Variants in HS3ST4 observed in about 807,000 individuals in gnomAD.
HS3ST4 encodes the protein heparan sulfate-glucosamine 3-sulfotransferase 4.
HS3ST4 carries 17 observed loss-of-function variants against 29.2 expected under a neutral mutation model. That is an observed-to-expected ratio of 0.58 (90% CI 0.40 to 0.87). The LOEUF (loss-of-function observed/expected upper bound fraction) is 0.87, where lower values mean the gene tolerates loss of function less well. HS3ST4 is among the 40% of genes least tolerant of loss of function. HS3ST4 has a pLI of 0.00. For synonymous variants in HS3ST4, 314 were observed against 285.7 expected (o/e 1.10, Z -1.00); for missense variants, 627 against 634.5 (o/e 0.99, Z 0.13).
chr16:26,102,263 T>C (rs1898999222), intron 1 of HS3ST4, among the ~76,000 whole-genome samples: 1 of 152,054 alleles, frequency 6.6e-6, no homozygotes, highest in East Asian at 1.9e-4. Context: ...ATGATTTTTT[T>C]TTTTTCTTAT....
chr16:26,099,386 C>A (rs1372616955), intron 1 of HS3ST4, among the ~76,000 whole-genome samples: 5 of 152,110 alleles, frequency 3.3e-5, no homozygotes, highest in African/African-American at 1.2e-4. Flanking sequence ...AAACTCCTAT[C>A]CTTAAGCAAT....
intron 1 of HS3ST4, among the ~76,000 whole-genome samples, chr16:26,014,095 C>T (rs1023956381): frequency 6.6e-6 from 1 of 152,062 alleles, no homozygotes; most frequent in African/African-American, 2.4e-5. Flanking sequence ...CTCTCCCTTT[C>T]TCTTCCGCTA....
chr16:26,090,497 G>C (rs927964928), intron 1 of HS3ST4, among the ~76,000 whole-genome samples: 2 of 151,774 alleles, frequency 1.3e-5, no homozygotes, highest in Admixed American at 1.3e-4. Context: ...GCATGAAAAG[G>C]GTGCACAAAA....
At chr16:25,915,580 C>G (rs922010375) in intron 1 of HS3ST4, among the ~76,000 whole-genome samples, 1 of 152,304 alleles carries the variant, frequency 6.6e-6, no homozygotes, top group South Asian at 2.1e-4. Context: ...TAGTAATTTC[C>G]TGTCCATCAT....
chr16:25,839,592 A>C (rs1967392971), intron 1 of HS3ST4, among the ~76,000 whole-genome samples: 1 of 152,182 alleles, frequency 6.6e-6, no homozygotes, highest in South Asian at 2.1e-4. Flanking sequence ...TCAGTTATTT[A>C]CATGGTCTTT....
chr16:25,826,390 C>A (rs1171306232), intron 1 of HS3ST4: 4 of 152,210 alleles, frequency 2.6e-5, no homozygotes, highest in Middle Eastern at 3.4e-3. Context: ...CATAATTTTT[C>A]TTTTTGGTGG....
intron 1 of HS3ST4, among the ~76,000 whole-genome samples, chr16:26,090,979 G>A (rs549588276): frequency 6.6e-6 from 1 of 152,268 alleles, no homozygotes; most frequent in East Asian, 1.9e-4. Flanking sequence ...CTGGTGTATA[G>A]GGTCAATATT....
At chr16:26,053,949 T>C (rs1377558967) in intron 1 of HS3ST4, among the ~76,000 whole-genome samples, 2 of 152,130 alleles carry the variant, frequency 1.3e-5, no homozygotes, top group African/African-American at 4.8e-5. Context: ...TTCAGGGATC[T>C]ACACCAGGGG....
chr16:25,954,468 G>C (rs999710080), intron 1 of HS3ST4, among the ~76,000 whole-genome samples: 1 of 151,888 alleles, frequency 6.6e-6, no homozygotes, highest in Non-Finnish European at 1.5e-5. Flanking sequence ...AAATCACTCA[G>C]AAAATATTTA....
intron 1 of HS3ST4, among the ~76,000 whole-genome samples, chr16:25,998,871 C>T (rs548389698): frequency 6.6e-6 from 1 of 152,290 alleles, no homozygotes; most frequent in East Asian, 1.9e-4. Context: ...ATATTTCTCT[C>T]TGAGCAATTA....
At chr16:25,895,440 G>A (rs1199005888) in intron 1 of HS3ST4, among the ~76,000 whole-genome samples, 1 of 152,098 alleles carries the variant, frequency 6.6e-6, no homozygotes, top group Non-Finnish European at 1.5e-5. Flanking sequence ...TAGATTTGTG[G>A]AGGGTGAATG....
At chr16:25,935,380 G>C (rs1968508193) in intron 1 of HS3ST4, among the ~76,000 whole-genome samples, 1 of 152,240 alleles carries the variant, frequency 6.6e-6, no homozygotes, top group Non-Finnish European at 1.5e-5. Context: ...CCATTGTATA[G>C]GTTCAGACAA....
chr16:26,113,273 C>T (rs1197114491), intron 1 of HS3ST4, among the ~76,000 whole-genome samples: 3 of 151,870 alleles, frequency 2.0e-5, no homozygotes, highest in African/African-American at 4.8e-5. Context: ...GGTGAAACTC[C>T]GTCTCTACTA....
At chr16:25,964,559 T>G (rs1256643138) in intron 1 of HS3ST4, among the ~76,000 whole-genome samples, 2 of 152,142 alleles carry the variant, frequency 1.3e-5, no homozygotes, top group African/African-American at 4.8e-5. Context: ...AGGAGAAAAC[T>G]GAGGCATCTT....
intron 1 of HS3ST4, among the ~76,000 whole-genome samples, chr16:25,785,696 C>A (rs1596570068): frequency 6.6e-6 from 1 of 152,144 alleles, no homozygotes; most frequent in Admixed American, 6.5e-5. Context: ...GAGGAAGAGA[C>A]TTCTGAGCAG....
rs544665582 is a variant in HS3ST4 at position 25,874,263 on chromosome 16, C to A, written c.734+181112C>A. ...GATGACATTTGATCTGGGCTCCAAACAATAGCAAATAACATTTAGTCCACA... is the reference window on the plus strand; with the variant it reads ...GATGACATTTGATCTGGGCTCCAAAAAATAGCAAATAACATTTAGTCCACA... On this transcript the variant is annotated intron_variant, in intron 1 of 1. Transcript: ENST00000331351. 5.3e-5 allele frequency among the ~76,000 whole-genome samples: 8 copies of A among 152,002 alleles called. No homozygotes were observed. In the East Asian group the frequency reaches 1.2e-3, roughly 22 times the overall value.
In HS3ST4 at chr16:26,009,749, T is replaced by C. The variant is rs372717783; in HGVS notation, c.735-125863T>C. 5.9e-5 allele frequency among the ~76,000 whole-genome samples: 9 copies of C among 152,320 alleles called. 2 individuals carry two copies. The highest frequency in any genetic ancestry group is 9.6e-5 in the African/African-American group (4 of 41,570). Reference sequence around the variant, plus strand: ...ACTCACATTTTATGAGCTAAAGCAGTTCACGTGCTTATTAGCTAAAGCAGT... The same window carrying C: ...ACTCACATTTTATGAGCTAAAGCAGCTCACGTGCTTATTAGCTAAAGCAGT... On this transcript the variant is annotated intron_variant, in intron 1 of 1. Transcript: ENST00000331351.
intron 1 of HS3ST4, among the ~76,000 whole-genome samples, chr16:26,102,998 G>A (rs1372039404): frequency 6.6e-6 from 1 of 152,160 alleles, no homozygotes; most frequent in Non-Finnish European, 1.5e-5. Context: ...ATGATTATGA[G>A]TAAGAAACTT....
intron 1 of HS3ST4, among the ~76,000 whole-genome samples, chr16:26,000,466 G>A (rs908352953): frequency 6.6e-6 from 1 of 152,142 alleles, no homozygotes; most frequent in South Asian, 2.1e-4. Flanking sequence ...GAATACGTAT[G>A]TATCCTTGAT....
Sources: gnomAD v4.1 joint callset for allele counts (sites outside exome capture counted in the v4.1 genomes callset) on GRCh38, gnomAD v4.1.1 for gene constraint, MANE v1.5 for transcripts, NCBI Gene and HGNC (gene_info 2026-07-23, HGNC 2026-07-21) for gene names.